The following MAP3K19 variants were observed in gnomAD, a reference collection of about 807,000 sequenced individuals.
The protein encoded by MAP3K19 is SPS1/STE20-related protein kinase YSK4.
A neutral mutation model predicts 114.4 loss-of-function variants in MAP3K19; 91 were observed. The observed-to-expected ratio is 0.80, with a 90% CI of 0.67 to 0.95. The LOEUF (loss-of-function observed/expected upper bound fraction) is 0.95. Among genes scored for constraint, MAP3K19 ranks in the 40% least tolerant of loss-of-function variants. The pLI is 0.00. For missense variants in MAP3K19, 1,471 were observed against 1,573.2 expected (o/e 0.94, Z 1.10); for synonymous variants, 518 against 530.5 (o/e 0.98, Z 0.32).
chr2:135,028,695 A>T (rs1688311036), intron 3 of MAP3K19, among the ~76,000 whole-genome samples: 1 of 152,242 alleles, frequency 6.6e-6, no homozygotes, highest in Admixed American at 6.5e-5. Context: ...CTGAAAAGCT[A>T]CCGCAGGCCA....
intron 8 of MAP3K19, among the ~76,000 whole-genome samples, chr2:134,995,069 T>C (rs1685879933): frequency 1.3e-5 from 2 of 152,148 alleles, no homozygotes; most frequent in Admixed American, 1.3e-4. Context: ...CCCAACACTT[T>C]GGGAAGCTGA....
At chr2:134,982,353 T>C (rs1321542557) in intron 11 of MAP3K19, among the ~76,000 whole-genome samples, 4 of 112,220 alleles carry the variant, frequency 3.6e-5, no homozygotes, top group Non-Finnish European at 5.1e-5. Flanking sequence ...GATTTTTTTC[T>C]TTTTTTTTTT....
At position 135,022,521 on chromosome 2, in the gene MAP3K19, T is replaced by C. The variant is rs12616731; in HGVS notation, c.23-691A>G. On this transcript the variant is annotated intron_variant, in intron 4 of 12. Coordinates refer to ENST00000392915, the MANE Select transcript of MAP3K19 (RefSeq NM_025052.5). ...ATTTTTCAGGGTACTGAAGACTTAT[T>C]GCTGGCTCAATCGATACTGTATTTT... Among the ~76,000 whole-genome samples, 1,624 of 152,266 alleles carry C rather than the reference T, an allele frequency of 0.011. 95 individuals are homozygous for C. The East Asian group carries it at 0.2, about 18-fold the overall frequency.
In MAP3K19 at chr2:134,999,035, T is replaced by C; in HGVS notation, c.315-38A>G. The stretch of plus-strand genomic sequence containing the variant: ...GGAAATGTTTGATTTAAAACTCAGT[T>C]GCCACATCTTCTGGATCTCCAGTCC... On this transcript the variant is annotated intron_variant, in intron 7 of 12. Coordinates refer to ENST00000392915, the MANE Select transcript of MAP3K19 (RefSeq NM_025052.5). The surrounding 1 kb of genome is among the most constrained non-coding windows in gnomAD (Gnocchi z 4.1). The C allele has an allele frequency of 6.3e-7, 1 of 1,589,028 alleles. No individual in the cohort carries two copies. The highest frequency in any genetic ancestry group is 1.8e-5 in the Admixed American group (1 of 55,780).
chr2:135,032,451 C>T, intron 2 of MAP3K19, among the ~76,000 whole-genome samples: 1 of 151,588 alleles, frequency 6.6e-6, no homozygotes, highest in East Asian at 1.9e-4. Flanking sequence ...CAATTCCACT[C>T]CTAGGTATGG....
At chr2:134,970,177 T>C (rs1431898643) in intron 12 of MAP3K19, among the ~76,000 whole-genome samples, 2 of 152,224 alleles carry the variant, frequency 1.3e-5, no homozygotes, top group Non-Finnish European at 2.9e-5. Context: ...AAAAATTACA[T>C]TGGTATTTTT....
intron 12 of MAP3K19, among the ~76,000 whole-genome samples, chr2:134,974,011 GT>G (rs1201900906): frequency 6.6e-6 from 1 of 151,212 alleles, no homozygotes; most frequent in Non-Finnish European, 1.5e-5. Flanking sequence ...TTGTTTGTTT[GT>G]TTTTTTGAGA....
chr2:134,986,607 G>A lies in MAP3K19; in HGVS notation c.2265C>T (p.Asp755=). Residue 755 remains aspartate, a synonymous_variant, in exon 10 of 13, where the codon GAC becomes GAT. Coordinates refer to ENST00000392915, the MANE Select transcript of MAP3K19 (RefSeq NM_025052.5). ...SSKAVHSNLH[D]IENGDGISEP... ...CTGAAATACCATCACCATTTTCAAT[G>A]TCATGTAGGTTGCTATGTACAGCCT... The A allele has an allele frequency of 6.2e-7, 1 of 1,614,140 alleles. No individual in the cohort carries two copies. Among genetic ancestry groups the A allele is most frequent in the Non-Finnish European group, 8.5e-7 (1 of 1,180,016 alleles).
At chr2:134,967,940 G>A (rs1683496009) in intron 12 of MAP3K19, among the ~76,000 whole-genome samples, 1 of 151,728 alleles carries the variant, frequency 6.6e-6, no homozygotes, top group Non-Finnish European at 1.5e-5. Context: ...GACAATAGTG[G>A]AGGGAAGGTC....
In MAP3K19 at chr2:134,964,919, A is replaced by C. The variant is rs1387425332; in HGVS notation, c.3921-3T>G. ...CAGAAGGTCGCTCATGCTGGTCCCT[A>C]AGAAGGGAAAAACACATTAGAAGCA... is the stretch of plus-strand genomic sequence containing the variant. On this transcript the variant is annotated splice_region_variant and splice_polypyrimidine_tract_variant and intron_variant, in intron 12 of 12. Coordinates refer to ENST00000392915, the MANE Select transcript of MAP3K19 (RefSeq NM_025052.5). 1.2e-6 allele frequency: 2 copies of C among 1,611,020 alleles called. No homozygotes were observed. Among genetic ancestry groups the C allele is most frequent in the African/African-American group, 2.7e-5 (2 of 74,886 alleles).
chr2:135,005,337 T>C (rs1686737406), intron 6 of MAP3K19, 98 bp downstream of exon 6: 1 of 884,088 alleles, frequency 1.1e-6, no homozygotes. Flanking sequence ...CTCCAGTGTA[T>C]GTTGTTCAAA....
intron 11 of MAP3K19, among the ~76,000 whole-genome samples, chr2:134,982,382 C>T (rs376816684): frequency 1.4e-5 from 2 of 145,640 alleles, no homozygotes; most frequent in African/African-American, 5.1e-5. Context: ...GACAGGGTCT[C>T]GCTCTGTCGC....
intron 12 of MAP3K19, among the ~76,000 whole-genome samples, chr2:134,971,884 A>AT (rs1683906199): frequency 7.5e-6 from 1 of 133,210 alleles, no homozygotes; most frequent in Non-Finnish European, 1.7e-5. Context: ...GATCCTTTGT[A>AT]TTTTTTTCTG....
rs1255307915 is a variant in MAP3K19, at chr2:134,986,220, G to T, written c.2652C>A (p.Ser884Arg). 3 of 1,613,804 alleles carry T rather than the reference G, an allele frequency of 1.9e-6. No homozygotes were observed. The highest frequency in any genetic ancestry group is 2.5e-6 in the Non-Finnish European group (3 of 1,179,932). ...ACTCTAGATCATTAGTTAAAATTCGGCTGGCATTTACTTTACTAAGAGATG... is the reference window on the plus strand; with the variant it reads ...ACTCTAGATCATTAGTTAAAATTCGTCTGGCATTTACTTTACTAAGAGATG... Reference protein sequence around the residue: ...NTASLSKVNASRILTNDLEFD... With the variant: ...NTASLSKVNARRILTNDLEFD... The change falls in exon 10 of 13, where the codon AGC becomes AGA. Residue 884 changes from serine (S) to arginine (R), a missense_variant. Coordinates refer to ENST00000392915, the MANE Select transcript of MAP3K19 (RefSeq NM_025052.5).
intron 5 of MAP3K19, among the ~76,000 whole-genome samples, chr2:135,011,563 G>A (rs1373365971): frequency 1.5e-5 from 2 of 135,186 alleles, no homozygotes; most frequent in East Asian, 2.4e-4. Flanking sequence ...AAGTCTTAAA[G>A]TTGCCTCAAA....
At chr2:134,988,438 T>A (rs572859825) in intron 9 of MAP3K19, among the ~76,000 whole-genome samples, 185 bp from the exon 10 acceptor site, 1 of 152,322 alleles carries the variant, frequency 6.6e-6, no homozygotes, top group East Asian at 1.9e-4. Context: ...TCACCCAGGC[T>A]GGGGTGCAGT....
chr2:135,004,384 AG>A (rs1002246057), intron 6 of MAP3K19, among the ~76,000 whole-genome samples: 3 of 152,122 alleles, frequency 2.0e-5, no homozygotes, highest in Non-Finnish European at 4.4e-5. Context: ...CAGCCTGGGG[AG>A]GGAAGATTCC....
intron 5 of MAP3K19, among the ~76,000 whole-genome samples, chr2:135,015,593 G>A (rs570311516): frequency 1.3e-5 from 2 of 152,148 alleles, no homozygotes; most frequent in South Asian, 4.1e-4. Flanking sequence ...TGTGATGTGT[G>A]TTCTGTTGTA....
rs1453652775 is a variant in MAP3K19 at position 134,986,186 on chromosome 2, C to T, written c.2686G>A (p.Val896Ile). 1.2e-6 allele frequency: 2 copies of T among 1,613,570 alleles called. No individual in the cohort carries two copies. The highest frequency in any genetic ancestry group is 2.2e-5 in the South Asian group (2 of 90,808). The change falls in exon 10 of 13, where the codon GTT (valine) becomes ATT (isoleucine). Residue 896 changes from valine (V) to isoleucine (I), a missense_variant. By Grantham distance (29) the Val-to-Ile change is conservative. Coordinates refer to ENST00000392915, the MANE Select transcript of MAP3K19 (RefSeq NM_025052.5). ...GTAAGTGTTTTAGAGTGATCTGAAACACTATCAAACTCTAGATCATTAGTT... is the reference window on the plus strand; with the variant it reads ...GTAAGTGTTTTAGAGTGATCTGAAATACTATCAAACTCTAGATCATTAGTT... The part of the protein sequence containing the change: ...ILTNDLEFDS[V>I]SDHSKTLTNF...
Sources: allele counts gnomAD v4.1 joint callset (sites outside exome capture counted in the v4.1 genomes callset), GRCh38; gene constraint gnomAD v4.1.1; non-coding constraint Gnocchi (gnomAD v3.1); transcripts MANE v1.5; gene names NCBI Gene and HGNC (gene_info 2026-07-23, HGNC 2026-07-21).